The following ICA1L variants were observed in gnomAD, a reference collection of about 807,000 sequenced individuals.
ICA1L encodes the protein islet cell autoantigen 1-like protein.
ICA1L carries 50 observed loss-of-function variants against 61.3 expected under a neutral mutation model. That is an observed-to-expected ratio of 0.82 (90% CI 0.65 to 1.03). The LOEUF (loss-of-function observed/expected upper bound fraction) is 1.03, where lower values mean the gene tolerates loss of function less well. ICA1L is among the 50% of genes least tolerant of loss of function. The probability of loss-of-function intolerance (pLI) is 0.00; values close to 1 mark genes in which losing one functional copy is unlikely to be tolerated. For missense variants in ICA1L, 508 were observed against 556.7 expected (o/e 0.91, Z 0.88); for synonymous variants, 161 against 191.3 (o/e 0.84, Z 1.31).
At chr2:202,787,695 A>T (rs1692629858) in intron 11 of ICA1L, among the ~76,000 whole-genome samples, 1 of 152,248 alleles carries the variant, frequency 6.6e-6, no homozygotes, top group Non-Finnish European at 1.5e-5. Flanking sequence ...TCAGTATTTA[A>T]TACAAAGTAC....
At chr2:202,797,073 C>T (rs1379468095) in intron 9 of ICA1L, 109 bp from the exon 10 acceptor site, 8 of 547,214 alleles carry the variant, frequency 1.5e-5, no homozygotes, top group African/African-American at 3.8e-5. Context: ...AAATCAGAAT[C>T]GAAAACATAC....
At position 202,836,828 on chromosome 2, in the gene ICA1L, TAGATAC is replaced by T. The variant is rs1479344050; in HGVS notation, c.-7-7818_-7-7813del. 2.4e-3 allele frequency among the ~76,000 whole-genome samples: 361 copies of T among 148,874 alleles called. 1 individual carries two copies. The highest frequency in any genetic ancestry group is 3.2e-3 in the Non-Finnish European group (217 of 67,342). ...ATAGATATATATAGATATATAGATA[TAGATAC>T]AGATATATAGATATAGATATTTTTT... On this transcript the variant is annotated intron_variant, in intron 1 of 12. Coordinates refer to ENST00000358299, the MANE Select transcript of ICA1L (RefSeq NM_001288622.3).
chr2:202,807,108 A>C (rs1397560762), intron 9 of ICA1L, among the ~76,000 whole-genome samples: 5 of 152,176 alleles, frequency 3.3e-5, no homozygotes, highest in Admixed American at 6.5e-5. Context: ...AGGAACAACA[A>C]ATTGAACAAT....
At chr2:202,841,913 C>T (rs1235694927) in intron 1 of ICA1L, 1 of 222,078 alleles carries the variant, frequency 4.5e-6, no homozygotes. Flanking sequence ...GACTGGAGTG[C>T]AGTGGCATGA....
Position 202,778,053 on chromosome 2 carries a change from T to G in ICA1L, c.*1480A>C, listed in dbSNP as rs899629342. 6.6e-6 allele frequency: 1 copy of G among 151,962 alleles called. No individual in the cohort carries two copies. The highest frequency in any genetic ancestry group is 2.1e-4 in the South Asian group (1 of 4,804). The allele number at this position is 151,962 out of a possible 1,614,324, so 9.4% of individuals were successfully genotyped here. ...GTGCCACCACGCCTGGCTAATTTTT[T>G]GTATTTTTAGTAGAGACGGGGTTTC... On this transcript the variant is annotated 3_prime_UTR_variant, in exon 13 of 13. Coordinates refer to ENST00000358299, the MANE Select transcript of ICA1L (RefSeq NM_001288622.3).
At chr2:202,852,081 G>A (rs150622102) in intron 1 of ICA1L, among the ~76,000 whole-genome samples, 38 of 152,072 alleles carry the variant, frequency 2.5e-4, no homozygotes, top group Non-Finnish European at 4.6e-4. Context: ...AGTCCTTGCC[G>A]CTGCCTATGT....
intron 11 of ICA1L, among the ~76,000 whole-genome samples, chr2:202,787,668 T>C (rs1159843622): frequency 6.6e-6 from 1 of 152,176 alleles, no homozygotes; most frequent in Non-Finnish European, 1.5e-5. Context: ...GGGATGCTTG[T>C]AGATAGAGCA....
At chr2:202,818,887 G>A (rs982678666) in intron 5 of ICA1L, among the ~76,000 whole-genome samples, 1 of 152,068 alleles carries the variant, frequency 6.6e-6, no homozygotes, top group African/African-American at 2.4e-5. Context: ...TGAGGTGAAA[G>A]TTGCATAACA....
In ICA1L at chr2:202,819,861, T is replaced by A; in HGVS notation, c.398A>T (p.Glu133Val). 6.2e-7 allele frequency: 1 copy of A among 1,614,154 alleles called. No individual in the cohort carries two copies. Reference sequence around the variant, plus strand: ...TGCCCTTTGACTGAATGTTGCTACTTCTTGCTTCAGACGAGACAGAGGAGT... The same window carrying A: ...TGCCCTTTGACTGAATGTTGCTACTACTTGCTTCAGACGAGACAGAGGAGT... ...LCTPLSRLKQ[E>V]VATFSQRAVS... Residue 133 changes from glutamate (E) to valine (V), a missense_variant, in exon 5 of 13, where the codon GAA (glutamate) becomes GTA (valine). Transcript: ENST00000358299.
chr2:202,794,841 C>G (rs1692875054), intron 10 of ICA1L, among the ~76,000 whole-genome samples: 1 of 151,864 alleles, frequency 6.6e-6, no homozygotes. Context: ...TAAACTTTAA[C>G]AAATGGAAGG....
At chr2:202,781,138 C>T (rs1483772219) in intron 12 of ICA1L, among the ~76,000 whole-genome samples, 1 of 152,134 alleles carries the variant, frequency 6.6e-6, no homozygotes, top group Non-Finnish European at 1.5e-5. Flanking sequence ...TTTATAGAGG[C>T]TCTCCTTGTG....
At chr2:202,824,915 G>A (rs1209381039) in intron 3 of ICA1L, among the ~76,000 whole-genome samples, 2 of 152,204 alleles carry the variant, frequency 1.3e-5, no homozygotes, top group Non-Finnish European at 1.5e-5. Context: ...AATAATAAAT[G>A]TGTTAAATAA....
intron 1 of ICA1L, among the ~76,000 whole-genome samples, chr2:202,863,085 A>G (rs2105890874): frequency 6.6e-6 from 1 of 152,068 alleles, no homozygotes; most frequent in South Asian, 2.1e-4. Flanking sequence ...TGAGGTCAGG[A>G]GTTTGAGACC....
chr2:202,864,620 T>C (rs984745925), intron 1 of ICA1L, among the ~76,000 whole-genome samples: 3 of 149,902 alleles, frequency 2.0e-5, no homozygotes, highest in Non-Finnish European at 4.4e-5. Context: ...TGTGTGTGTA[T>C]ATATATATGT....
In ICA1L at chr2:202,811,761, A is replaced by T. The variant is rs760799931; in HGVS notation, c.895T>A (p.Phe299Ile). 5.0e-6 allele frequency: 8 copies of T among 1,608,256 alleles called. No individual in the cohort carries two copies. The East Asian group carries it at 1.8e-4, about 36-fold the overall frequency. Residue 299 changes from phenylalanine (F) to isoleucine (I), a missense_variant, in exon 9 of 13, where the codon TTT becomes ATT. Coordinates refer to ENST00000358299, the MANE Select transcript of ICA1L (RefSeq NM_001288622.3). ...KLVLSDEEASFESEQANKDHN... is the reference protein window; with the variant it reads ...KLVLSDEEASIESEQANKDHN... ...ACCATCTTACCTTGTTCACTCTCAA[A>T]GCTTGCTTCCTCATCAGACAAAACT...
chr2:202,816,020 AG>A lies in ICA1L; in HGVS notation c.685-12del. ...TCCAAGCAGTGTTCTCTGCAAAAAA[AG>A]AAAAGGTGACACTACAGTTCTGCTT... On this transcript the variant is annotated splice_polypyrimidine_tract_variant and intron_variant, in intron 6 of 12. Transcript: ENST00000358299. The A allele has an allele frequency of 6.4e-7, 1 of 1,556,820 alleles. No individual in the cohort carries two copies. Among genetic ancestry groups the A allele is most frequent in the Non-Finnish European group, 8.7e-7 (1 of 1,145,374 alleles).
At chr2:202,807,305 G>A (rs1241011765) in intron 9 of ICA1L, among the ~76,000 whole-genome samples, 3 of 152,208 alleles carry the variant, frequency 2.0e-5, no homozygotes, top group Admixed American at 1.3e-4. Flanking sequence ...ATCTGTACTT[G>A]TGGGAGGGAG....
At chr2:202,803,117 C>T (rs1295935064) in intron 9 of ICA1L, among the ~76,000 whole-genome samples, 1 of 151,936 alleles carries the variant, frequency 6.6e-6, no homozygotes, top group African/African-American at 2.4e-5. Context: ...GTTATAAGGA[C>T]ATGGTGAGGG....
intron 1 of ICA1L, among the ~76,000 whole-genome samples, chr2:202,839,266 T>G (rs1694243604): frequency 6.6e-6 from 1 of 152,048 alleles, no homozygotes; most frequent in South Asian, 2.1e-4. Flanking sequence ...TTTGGGAGAC[T>G]GAGGCAGGTG....
Sources: allele counts gnomAD v4.1 joint callset (sites outside exome capture counted in the v4.1 genomes callset), GRCh38; gene constraint gnomAD v4.1.1; transcripts MANE v1.5; gene names NCBI Gene and HGNC (gene_info 2026-07-23, HGNC 2026-07-21).